The following SLC9A9 variants were observed in gnomAD, a reference collection of about 807,000 sequenced individuals.
SLC9A9 encodes solute carrier family 9 member A9.
A neutral mutation model predicts 77.8 loss-of-function variants in SLC9A9; 62 were observed. The ratio of observed to expected loss-of-function variants is 0.80; its 90% CI spans 0.65 to 0.98. SLC9A9 has a LOEUF of 0.98. SLC9A9 is among the 50% of genes least tolerant of loss of function. The pLI is 0.00. For synonymous variants in SLC9A9, 320 were observed against 283.5 expected, an observed-to-expected ratio of 1.13 and a Z score of -1.29; for missense variants, 775 against 774.9, an observed-to-expected ratio of 1.00 and a Z score of 0.00.
At chr3:143,816,108 T>C (rs1465417444) in intron 2 of SLC9A9, among the ~76,000 whole-genome samples, 3 of 152,240 alleles carry the variant, frequency 2.0e-5, no homozygotes, top group Non-Finnish European at 4.4e-5. Flanking sequence ...CCAGAAATAA[T>C]CAATGCCCTG....
rs142408972 is a variant in SLC9A9, at chr3:143,524,590, A to G, written c.1089+27772T>C. ...AATAAGGCCCTATAATTTAATCTAC[A>G]CTAAATCATTCAGACTTTCCAGAGC... is the stretch of plus-strand genomic sequence containing the variant. On this transcript the variant is annotated intron_variant, in intron 9 of 15. Coordinates refer to ENST00000316549, the MANE Select transcript of SLC9A9 (RefSeq NM_173653.4). 1.5e-3 allele frequency among the ~76,000 whole-genome samples: 229 copies of G among 152,314 alleles called. 3 individuals are homozygous for G. The highest frequency in any genetic ancestry group is 5.3e-3 in the African/African-American group (219 of 41,552).
At chr3:143,669,744 C>A (rs10513215) in intron 5 of SLC9A9, among the ~76,000 whole-genome samples, 4,378 of 152,302 alleles carry the variant, frequency 0.029, 158 homozygotes, top group Admixed American at 0.095. Context: ...TGCAAATGAA[C>A]TTGGTGATCT....
chr3:143,393,622 G>C (rs1433795170), intron 12 of SLC9A9, among the ~76,000 whole-genome samples: 2 of 151,914 alleles, frequency 1.3e-5, no homozygotes, highest in Non-Finnish European at 2.9e-5. Context: ...GAAGGAAATA[G>C]AGACATAAAA....
chr3:143,666,496 A>G (rs146716758), intron 5 of SLC9A9, among the ~76,000 whole-genome samples: 2 of 152,356 alleles, frequency 1.3e-5, no homozygotes, highest in Non-Finnish European at 2.9e-5. Context: ...GCAATCAGAC[A>G]GGAGAAAGAA....
At chr3:143,582,206 A>C (rs1256728252) in intron 6 of SLC9A9, among the ~76,000 whole-genome samples, 1 of 152,162 alleles carries the variant, frequency 6.6e-6, no homozygotes. Flanking sequence ...TCTTAATTTG[A>C]GCCCAAGATC....
At chr3:143,514,840 A>G (rs2036177863) in intron 9 of SLC9A9, among the ~76,000 whole-genome samples, 1 of 152,190 alleles carries the variant, frequency 6.6e-6, no homozygotes. Flanking sequence ...ATCAGCAGTA[A>G]GACTGTTTTG....
Position 143,663,272 on chromosome 3 carries a change from CAACA to C in SLC9A9, c.650-10916_650-10913del, listed in dbSNP as rs1382613579. On this transcript the variant is annotated intron_variant, in intron 5 of 15. Coordinates refer to ENST00000316549, the MANE Select transcript of SLC9A9 (RefSeq NM_173653.4). ...AAACAGAAAGGAATAGCATCAACACCAACAAAAAGGACATCCACACAAAAACCCT... is the reference window on the plus strand; with the variant it reads ...AAACAGAAAGGAATAGCATCAACACCAAAAGGACATCCACACAAAAACCCT... Among the ~76,000 whole-genome samples the C allele has an allele frequency of 2.0e-5, 3 of 152,110 alleles. No homozygotes were observed. In the East Asian group the frequency reaches 5.8e-4, roughly 29 times the overall value.
At position 143,265,887 on chromosome 3, in the gene SLC9A9, G is replaced by A. The variant is rs780416623; in HGVS notation, c.*815C>T. On this transcript the variant is annotated 3_prime_UTR_variant, in exon 16 of 16. Coordinates refer to ENST00000316549, the MANE Select transcript of SLC9A9 (RefSeq NM_173653.4). The stretch of plus-strand genomic sequence containing the variant: ...AGAATCCTACCCTCCAGCATATCGC[G>A]GGGAGGGGGGGACCTGCTGCACAGC... The A allele has an allele frequency of 5.3e-5, 32 of 604,860 alleles. No homozygotes were observed. The highest frequency in any genetic ancestry group is 3.3e-4 in the Admixed American group (12 of 36,080). The allele number at this position is 604,860 out of a possible 1,614,324, so 37.5% of individuals were successfully genotyped here.
At chr3:143,819,046 C>T (rs1488207653) in intron 2 of SLC9A9, among the ~76,000 whole-genome samples, 2 of 152,120 alleles carry the variant, frequency 1.3e-5, no homozygotes, top group Admixed American at 6.5e-5. Context: ...CGCACCGTTG[C>T]ACTCCAGCCT....
intron 1 of SLC9A9, among the ~76,000 whole-genome samples, chr3:143,843,943 G>A (rs533061604): frequency 1.3e-5 from 2 of 152,084 alleles, no homozygotes; most frequent in African/African-American, 4.8e-5. Context: ...CTTCAATTTT[G>A]AAATGAGAAC....
chr3:143,373,181 T>G (rs565496196), intron 13 of SLC9A9, among the ~76,000 whole-genome samples: 1 of 152,276 alleles, frequency 6.6e-6, no homozygotes, highest in East Asian at 1.9e-4. Context: ...TTCACAACTG[T>G]AAAGATACGG....
At chr3:143,797,480 C>A (rs924729196) in intron 2 of SLC9A9, among the ~76,000 whole-genome samples, 57 of 152,248 alleles carry the variant, frequency 3.7e-4, no homozygotes, top group African/African-American at 1.1e-3. Context: ...GCCATCATAT[C>A]CCCTGTGACC....
At chr3:143,558,216 C>T (rs575350078) in intron 8 of SLC9A9, among the ~76,000 whole-genome samples, 2 of 152,216 alleles carry the variant, frequency 1.3e-5, no homozygotes, top group South Asian at 2.1e-4. Flanking sequence ...CCTGGATGTA[C>T]AGGCAGAAGT....
chr3:143,355,129 A>C (rs2032552891), intron 14 of SLC9A9, among the ~76,000 whole-genome samples: 2 of 152,264 alleles, frequency 1.3e-5, no homozygotes, highest in East Asian at 3.8e-4. Context: ...CCATTTACTC[A>C]AAATCAAAGA....
chr3:143,316,322 A>G (rs2108441823), intron 14 of SLC9A9, among the ~76,000 whole-genome samples: 1 of 152,364 alleles, frequency 6.6e-6, no homozygotes, highest in South Asian at 2.1e-4. Flanking sequence ...TAATTACGGC[A>G]TAATCTCTGC....
At chr3:143,670,101 A>G (rs1472696778) in intron 5 of SLC9A9, among the ~76,000 whole-genome samples, 1 of 152,150 alleles carries the variant, frequency 6.6e-6, no homozygotes, top group Non-Finnish European at 1.5e-5. Flanking sequence ...ACTCCCTTGA[A>G]CTTCTGTATT....
intron 4 of SLC9A9, among the ~76,000 whole-genome samples, chr3:143,711,507 C>T (rs1934193292): frequency 6.6e-6 from 1 of 151,888 alleles, no homozygotes; most frequent in Non-Finnish European, 1.5e-5. Context: ...TCAAGGTCTC[C>T]TGCTGTCTTA....
intron 11 of SLC9A9, among the ~76,000 whole-genome samples, chr3:143,492,211 G>C (rs2035759538): frequency 6.7e-6 from 1 of 150,130 alleles, no homozygotes; most frequent in Non-Finnish European, 1.5e-5. Flanking sequence ...AGAATGACAT[G>C]AACCTGGGGG....
chr3:143,786,991 G>A (rs560989386), intron 4 of SLC9A9, among the ~76,000 whole-genome samples: 5 of 152,224 alleles, frequency 3.3e-5, no homozygotes, highest in African/African-American at 9.6e-5. Flanking sequence ...AAGACAGCTG[G>A]GAAAAGAGAA....
Sources: allele counts gnomAD v4.1 joint callset (sites outside exome capture counted in the v4.1 genomes callset), GRCh38; gene constraint gnomAD v4.1.1; transcripts MANE v1.5; gene names NCBI Gene and HGNC (gene_info 2026-07-23, HGNC 2026-07-21).